RBM27: variants seen among roughly 807,000 people sequenced by gnomAD.
The protein encoded by RBM27 is RNA binding motif protein 27.
Under a neutral mutation model 135.3 loss-of-function variants are expected in RBM27, and 22 were observed. The ratio of observed to expected loss-of-function variants is 0.16; its 90% CI spans 0.12 to 0.23. The LOEUF (loss-of-function observed/expected upper bound fraction) is 0.23. Ranked by LOEUF, RBM27 falls within the 10% of genes least tolerant of loss-of-function variation. The probability of loss-of-function intolerance (pLI) is 1.00; values close to 1 mark genes in which losing one functional copy is unlikely to be tolerated. For synonymous variants in RBM27, 481 were observed against 442.4 expected (o/e 1.09, Z -1.10); for missense variants, 1,009 against 1,281.0 (o/e 0.79, Z 3.24).
intron 9 of RBM27, among the ~76,000 whole-genome samples, chr5:146,254,654 A>G (rs1264431879): frequency 1.3e-5 from 2 of 152,202 alleles, no homozygotes; most frequent in Non-Finnish European, 2.9e-5. Flanking sequence ...CATTTATATT[A>G]TGTATTATAA....
At chr5:146,225,901 C>T (rs894787543) in intron 3 of RBM27, among the ~76,000 whole-genome samples, 12 of 151,946 alleles carry the variant, frequency 7.9e-5, no homozygotes, top group African/African-American at 2.9e-4. Context: ...CTCATTCTGT[C>T]ACCCAGGGTG....
chr5:146,258,955 TTCACCTTG>T (rs1758243160), intron 11 of RBM27, among the ~76,000 whole-genome samples: 1 of 151,850 alleles, frequency 6.6e-6, no homozygotes, highest in Non-Finnish European at 1.5e-5. Context: ...GAGATGGGGT[TTCACCTTG>T]TTAGTCAGGC....
chr5:146,248,172 T>C (rs566997415), intron 8 of RBM27, among the ~76,000 whole-genome samples: 40 of 152,176 alleles, frequency 2.6e-4, no homozygotes, highest in Admixed American at 2.2e-3. Context: ...TTATAGTCTT[T>C]TTTGATGTTC....
intron 10 of RBM27, 151 bp downstream of exon 10, chr5:146,255,243 AT>A: frequency 1.8e-6 from 1 of 554,326 alleles, no homozygotes; most frequent in Non-Finnish European, 2.8e-6. Context: ...TTAATCTCAG[AT>A]TTTTTAAATA....
rs751791965 is a variant in RBM27 at position 146,237,446 on chromosome 5, G to A, written c.1279+14G>A. 1.9e-6 allele frequency: 3 copies of A among 1,613,352 alleles called. No homozygotes were observed. Among genetic ancestry groups the A allele is most frequent in the Non-Finnish European group, 2.5e-6 (3 of 1,179,380 alleles). On this transcript the variant is annotated intron_variant, in intron 8 of 20. Transcript: ENST00000265271. ...CAGTATCAGAACGTAAGTACATGTTGTTTGACTTAAAATTGACAGGGTATA... is the reference window on the plus strand; with the variant it reads ...CAGTATCAGAACGTAAGTACATGTTATTTGACTTAAAATTGACAGGGTATA...
At chr5:146,203,954 C>T (rs1029234808) in intron 1 of RBM27, 130 bp downstream of exon 1, 23 of 904,740 alleles carry the variant, frequency 2.5e-5, no homozygotes, top group Non-Finnish European at 3.4e-5. Flanking sequence ...CGACGCCTTC[C>T]CTGTAGTACT....
At chr5:146,246,175 A>C (rs1476388414) in intron 8 of RBM27, among the ~76,000 whole-genome samples, 1 of 152,226 alleles carries the variant, frequency 6.6e-6, no homozygotes, top group South Asian at 2.1e-4. Context: ...AAATATGGCC[A>C]GTATTGGGAA....
chr5:146,261,839 T>G lies in RBM27; in HGVS notation c.2190+33T>G, dbSNP rs374436282. 5 of 1,610,282 alleles carry G rather than the reference T, an allele frequency of 3.1e-6. No homozygotes were observed. The African/African-American group carries it at 6.7e-5, about 22-fold the overall frequency. ...GGTTCACTGGGAATTAAAGGTCTTT[T>G]AGTTACACCCTCTAGATCAGTATTT... is the stretch of plus-strand genomic sequence containing the variant. On this transcript the variant is annotated intron_variant, in intron 13 of 20. Coordinates refer to ENST00000265271, the MANE Select transcript of RBM27 (RefSeq NM_018989.2).
chr5:146,279,807 CAAA>C (rs766177641), intron 19 of RBM27, among the ~76,000 whole-genome samples: 5 of 55,250 alleles, frequency 9.0e-5, no homozygotes, highest in Admixed American at 2.0e-4. Context: ...GACTCTGTCT[CAAA>C]AAAAAAAAAA....
At chr5:146,248,471 TG>T (rs1238265925) in intron 8 of RBM27, among the ~76,000 whole-genome samples, 3 of 152,196 alleles carry the variant, frequency 2.0e-5, no homozygotes, top group African/African-American at 7.2e-5. Context: ...TTGAGGTATT[TG>T]TTTTTTATTT....
At chr5:146,266,045 C>G (rs1006877100) in intron 14 of RBM27, among the ~76,000 whole-genome samples, 3 of 152,112 alleles carry the variant, frequency 2.0e-5, no homozygotes, top group Non-Finnish European at 2.9e-5. Flanking sequence ...TCAAAGGGAC[C>G]CAGGGATCCT....
chr5:146,262,268 A>G (rs1047275432), intron 13 of RBM27, among the ~76,000 whole-genome samples: 5 of 147,712 alleles, frequency 3.4e-5, no homozygotes, highest in Non-Finnish European at 7.4e-5. Flanking sequence ...ACCACAGAGC[A>G]ACTTTAACTG....
At position 146,244,083 on chromosome 5, in the gene RBM27, A is replaced by G. The variant is rs115761741; in HGVS notation, c.1279+6651A>G. Among the ~76,000 whole-genome samples, 1,513 of 152,330 alleles carry G rather than the reference A, an allele frequency of 9.9e-3. 22 individuals carry two copies. The highest frequency in any genetic ancestry group is 0.035 in the African/African-American group (1,443 of 41,566). ...CAAAGGAACTAATTCTGTGAGAAAT[A>G]AAGCATTCATTTAGGCTGCAGTTGT... is the stretch of plus-strand genomic sequence containing the variant. On this transcript the variant is annotated intron_variant, in intron 8 of 20. Transcript: ENST00000265271.
In RBM27 at chr5:146,229,012, A is replaced by G. The variant is rs1044046871; in HGVS notation, c.370A>G (p.Thr124Ala). 8.7e-6 allele frequency: 14 copies of G among 1,613,542 alleles called. No homozygotes were observed. The Admixed American group carries it at 1.3e-4, about 15-fold the overall frequency. The change falls in exon 4 of 21, where the codon ACT becomes GCT. Residue 124 changes from threonine to alanine, a missense_variant. Around this residue, in one of 6 missense-constraint regions of RBM27, gnomAD observed 268 missense variants for 326.6 expected, o/e 0.82. Coordinates refer to ENST00000265271, the MANE Select transcript of RBM27 (RefSeq NM_018989.2). ...AAAGAAATATCCTAGTCCCCAGAAG[A>G]CTCGTTCAGAATCTAGTGAACGAAG... is the stretch of plus-strand genomic sequence containing the variant. ...RKKKYPSPQK[T>A]RSESSERRTR...
chr5:146,206,926 G>C (rs1665115356), intron 1 of RBM27, among the ~76,000 whole-genome samples: 1 of 151,994 alleles, frequency 6.6e-6, no homozygotes, highest in Non-Finnish European at 1.5e-5. Context: ...GTTTTGAATG[G>C]AGATATTAAT....
intron 8 of RBM27, among the ~76,000 whole-genome samples, chr5:146,243,902 T>C (rs532283136): frequency 3.1e-4 from 47 of 152,206 alleles, no homozygotes; most frequent in African/African-American, 1.1e-3. Flanking sequence ...GTCTGCTCAG[T>C]GTTAGGTACT....
At chr5:146,258,814 A>G (rs909364302) in intron 11 of RBM27, among the ~76,000 whole-genome samples, 1 of 151,626 alleles carries the variant, frequency 6.6e-6, no homozygotes, top group South Asian at 2.1e-4. Context: ...GCTGGAGTGC[A>G]ATGGTATAAT....
chr5:146,220,927 G>A (rs1756432424), intron 2 of RBM27, among the ~76,000 whole-genome samples: 1 of 151,946 alleles, frequency 6.6e-6, no homozygotes, highest in Admixed American at 6.6e-5. Context: ...TAAAAAGTTA[G>A]AAAGGATTGG....
In RBM27 at chr5:146,228,998, C is replaced by T. The variant is rs767968379; in HGVS notation, c.356C>T (p.Pro119Leu). 6.2e-7 allele frequency: 1 copy of T among 1,613,738 alleles called. No homozygotes were observed. The highest frequency in any genetic ancestry group is 8.5e-7 in the Non-Finnish European group (1 of 1,179,790). ...EERDGRKKKYPSPQKTRSESS... is the reference protein window; with the variant it reads ...EERDGRKKKYLSPQKTRSESS... The stretch of plus-strand genomic sequence containing the variant: ...CGAGATGGCAGAAAAAAGAAATATC[C>T]TAGTCCCCAGAAGACTCGTTCAGAA... The change falls in exon 4 of 21, where the codon CCT becomes CTT. Residue 119 changes from proline (P) to leucine (L), a missense_variant. Transcript: ENST00000265271.
Sources: gnomAD v4.1 joint callset for allele counts (sites outside exome capture counted in the v4.1 genomes callset) on GRCh38, gnomAD v4.1.1 for gene constraint, gnomAD v4.1.1 regional missense constraint, MANE v1.5 for transcripts, NCBI Gene and HGNC (gene_info 2026-07-23, HGNC 2026-07-21) for gene names.